The following ZBTB40 variants were observed in gnomAD, a reference collection of about 807,000 sequenced individuals.
The protein encoded by ZBTB40 is zinc finger and BTB domain containing 40.
ZBTB40 carries 60 observed loss-of-function variants against 117.5 expected under a neutral mutation model. That is an observed-to-expected ratio of 0.51 (90% CI 0.41 to 0.63). The LOEUF (loss-of-function observed/expected upper bound fraction) is 0.63. ZBTB40 is among the 30% of genes least tolerant of loss of function. The probability of loss-of-function intolerance (pLI) is 0.00; values close to 1 mark genes in which losing one functional copy is unlikely to be tolerated. For synonymous variants in ZBTB40, 525 were observed against 577.1 expected, an observed-to-expected ratio of 0.91 and a Z score of 1.29; for missense variants, 1,287 against 1,498.5, an observed-to-expected ratio of 0.86 and a Z score of 2.33.
intron 1 of ZBTB40, among the ~76,000 whole-genome samples, chr1:22,473,208 C>A (rs187794003): frequency 6.6e-6 from 1 of 152,314 alleles, no homozygotes; most frequent in African/African-American, 2.4e-5. Flanking sequence ...AATGAAGAGT[C>A]TGAGGCCCCA....
intron 1 of ZBTB40, among the ~76,000 whole-genome samples, chr1:22,471,545 G>A (rs1641404072): frequency 6.6e-6 from 1 of 152,196 alleles, no homozygotes; most frequent in South Asian, 2.1e-4. Flanking sequence ...GAGATGTTAG[G>A]GGAATTAAAT....
intron 4 of ZBTB40, 113 bp downstream of exon 4, chr1:22,501,797 A>G (rs746447147): frequency 2.0e-5 from 24 of 1,210,880 alleles, no homozygotes; most frequent in Admixed American, 5.9e-5. Context: ...TGGTTTTCAC[A>G]TAAGTTTCAC....
chr1:22,437,046 T>C (rs1162776191), intron 1 of ZBTB40, among the ~76,000 whole-genome samples: 1 of 152,116 alleles, frequency 6.6e-6, no homozygotes, highest in Non-Finnish European at 1.5e-5. Context: ...TGTTCTAGGA[T>C]GTCTAGTTTC....
chr1:22,462,775 C>A (rs764662046), intron 1 of ZBTB40, among the ~76,000 whole-genome samples: 1 of 152,188 alleles, frequency 6.6e-6, no homozygotes, highest in South Asian at 2.1e-4. Context: ...GTCGGACTCT[C>A]CCCACTTTCT....
intron 5 of ZBTB40, among the ~76,000 whole-genome samples, chr1:22,504,197 G>A (rs1472570243): frequency 6.6e-6 from 1 of 152,182 alleles, no homozygotes; most frequent in Non-Finnish European, 1.5e-5. Flanking sequence ...GACATCGTGT[G>A]GAATGTGTAC....
chr1:22,520,036 T>G, intron 13 of ZBTB40, 25 bp from the exon 14 acceptor site: 1 of 1,609,926 alleles, frequency 6.2e-7, no homozygotes, highest in Non-Finnish European at 8.5e-7. Context: ...CACCTCTTCC[T>G]CTCATGGATG....
rs1184757011 is a variant in ZBTB40, at chr1:22,527,520, A to G, written c.*1124A>G. On this transcript the variant is annotated 3_prime_UTR_variant, in exon 18 of 18. Coordinates refer to ENST00000375647, the MANE Select transcript of ZBTB40 (RefSeq NM_014870.4). ...AATCCATTATGAAGTGCAATTAGAT[A>G]GATGTAGGTTCCTGCCGTTTGGAGA... is the stretch of plus-strand genomic sequence containing the variant. 1.3e-5 allele frequency: 2 copies of G among 152,396 alleles called. No individual in the cohort carries two copies. The highest frequency in any genetic ancestry group is 2.9e-5 in the Non-Finnish European group (2 of 68,048). 9.4% of individuals were successfully genotyped at this position (152,396 alleles called of 1,614,324 possible).
Position 22,490,271 on chromosome 1 carries a change from G to C in ZBTB40, c.323G>C (p.Ser108Thr). The change falls in exon 2 of 18, where the codon AGC becomes ACC. Residue 108 changes from serine to threonine, a missense_variant. This residue lies in a region of ZBTB40 where 870 missense variants were observed against 934.4 expected (regional missense o/e 0.93). Transcript: ENST00000375647. ...DSLQMFDVAV[S>T]CKNLLTSLVN... ...CTACAGATGTTTGATGTAGCTGTTA[G>C]CTGCAAAAATCTTCTGACCAGCCTT... 1 of 1,614,208 alleles carries C rather than the reference G, an allele frequency of 6.2e-7. No homozygotes were observed. The highest frequency in any genetic ancestry group is 8.5e-7 in the Non-Finnish European group (1 of 1,180,034).
At chr1:22,508,461 C>A in intron 7 of ZBTB40, 69 bp from the exon 8 acceptor site, 1 of 1,568,792 alleles carries the variant, frequency 6.4e-7, no homozygotes, top group Non-Finnish European at 8.8e-7. Context: ...AATATCTAGA[C>A]TTGCAGCTCT....
At chr1:22,473,287 G>A (rs1641456717) in intron 1 of ZBTB40, among the ~76,000 whole-genome samples, 1 of 152,166 alleles carries the variant, frequency 6.6e-6, no homozygotes, top group Non-Finnish European at 1.5e-5. Flanking sequence ...ACATTAAAGT[G>A]TGAGAAACTG....
chr1:22,468,694 T>C (rs1641325461), intron 1 of ZBTB40, among the ~76,000 whole-genome samples: 1 of 139,984 alleles, frequency 7.1e-6, no homozygotes, highest in South Asian at 2.4e-4. Flanking sequence ...AAATGGGGTC[T>C]CACTCTGTTG....
intron 1 of ZBTB40, among the ~76,000 whole-genome samples, chr1:22,439,966 G>A (rs764502522): frequency 4.6e-5 from 7 of 152,122 alleles, no homozygotes; most frequent in Admixed American, 2.6e-4. Flanking sequence ...AACATGGGAC[G>A]TGTTTCCATT....
At chr1:22,446,689 C>A (rs1640793352) in intron 1 of ZBTB40, among the ~76,000 whole-genome samples, 1 of 151,996 alleles carries the variant, frequency 6.6e-6, no homozygotes, top group African/African-American at 2.4e-5. Context: ...TGGAATTAAA[C>A]TTCAAAAGTA....
chr1:22,443,517 G>A (rs1640756321), intron 1 of ZBTB40, among the ~76,000 whole-genome samples: 1 of 152,228 alleles, frequency 6.6e-6, no homozygotes, highest in South Asian at 2.1e-4. Context: ...AAATGCTTGA[G>A]TTAAGATAAG....
chr1:22,435,348 C>T (rs1422974947), intron 1 of ZBTB40, among the ~76,000 whole-genome samples: 2 of 152,132 alleles, frequency 1.3e-5, no homozygotes, highest in East Asian at 1.9e-4. Flanking sequence ...TTTTATCTTG[C>T]CTTGCTATTG....
chr1:22,524,789 C>T (rs1370619591), intron 17 of ZBTB40, among the ~76,000 whole-genome samples: 1 of 152,248 alleles, frequency 6.6e-6, no homozygotes, highest in East Asian at 1.9e-4. Context: ...GGACTGCCTG[C>T]AGTTGAAGTG....
chr1:22,435,904 A>G (rs1298572498), intron 1 of ZBTB40, among the ~76,000 whole-genome samples: 1 of 127,478 alleles, frequency 7.8e-6, no homozygotes, highest in East Asian at 2.5e-4. Context: ...CCCCATCTTT[A>G]CTAAAAAAAA....
At position 22,490,430 on chromosome 1, in the gene ZBTB40, C is replaced by T. The variant is rs753579412; in HGVS notation, c.482C>T (p.Pro161Leu). ...GGTGCTGGAGAGCCTCATTCTTCCC[C>T]AGAGCTTGCTGCCACTCCAGGGGGC... ...SEGAGEPHSS[P>L]ELAATPGGPV... The change falls in exon 2 of 18, where the codon CCA (proline) becomes CTA (leucine). Residue 161 changes from proline to leucine, a missense_variant. This residue lies in a region of ZBTB40 where 870 missense variants were observed against 934.4 expected (regional missense o/e 0.93). Transcript: ENST00000375647. The T allele has an allele frequency of 1.2e-6, 2 of 1,607,840 alleles. No homozygotes were observed. The highest frequency in any genetic ancestry group is 2.7e-5 in the African/African-American group (2 of 74,700).
intron 1 of ZBTB40, among the ~76,000 whole-genome samples, chr1:22,489,075 G>T (rs1638551937): frequency 6.6e-6 from 1 of 152,216 alleles, no homozygotes; most frequent in Non-Finnish European, 1.5e-5. Context: ...GAAAGTGGCA[G>T]GAGAGTTTTG....
Sources: allele counts gnomAD v4.1 joint callset (sites outside exome capture counted in the v4.1 genomes callset), GRCh38; gene constraint gnomAD v4.1.1; regional missense constraint gnomAD v4.1.1; transcripts MANE v1.5; gene names NCBI Gene and HGNC (gene_info 2026-07-23, HGNC 2026-07-21).